PCCA: variants seen among roughly 807,000 people sequenced by gnomAD.
PCCA encodes propionyl-CoA carboxylase subunit alpha.
PCCA carries 74 observed loss-of-function variants against 101.3 expected under a neutral mutation model. The ratio of observed to expected loss-of-function variants is 0.73; its 90% confidence interval spans 0.61 to 0.89. The LOEUF (loss-of-function observed/expected upper bound fraction) is 0.89. PCCA is among the 40% of genes least tolerant of loss of function. PCCA has a pLI of 0.00. For synonymous variants in PCCA, 294 were observed against 313.6 expected, an observed-to-expected ratio of 0.94 and a Z score of 0.66; for missense variants, 891 against 907.0, an observed-to-expected ratio of 0.98 and a Z score of 0.23.
chr13:100,478,674 C>T (rs1041179945), intron 21 of PCCA, among the ~76,000 whole-genome samples: 1 of 152,138 alleles, frequency 6.6e-6, no homozygotes. Flanking sequence ...ACTGTAGCGG[C>T]CTCAGGAGCG....
At chr13:100,370,426 A>G (rs999406248) in intron 19 of PCCA, among the ~76,000 whole-genome samples, 1 of 152,062 alleles carries the variant, frequency 6.6e-6, no homozygotes, top group Non-Finnish European at 1.5e-5. Flanking sequence ...CTCTGGCCTG[A>G]CTGCATACGT....
intron 2 of PCCA, among the ~76,000 whole-genome samples, chr13:100,105,915 G>A (rs1441400795): frequency 1.3e-5 from 2 of 150,642 alleles, no homozygotes; most frequent in East Asian, 3.9e-4. Context: ...CTGTCATTGA[G>A]GAAGTTTGTG....
chr13:100,144,068 A>G (rs1394413806), intron 4 of PCCA, among the ~76,000 whole-genome samples: 1 of 151,942 alleles, frequency 6.6e-6, no homozygotes, highest in East Asian at 1.9e-4. Flanking sequence ...CCGGCCCCAG[A>G]TATTTCTGAT....
At chr13:100,249,444 G>A (rs2061632906) in intron 8 of PCCA, among the ~76,000 whole-genome samples, 2 of 152,148 alleles carry the variant, frequency 1.3e-5, no homozygotes, top group African/African-American at 2.4e-5. Context: ...TAATTTGTCT[G>A]TCTTAGACAA....
intron 6 of PCCA, among the ~76,000 whole-genome samples, chr13:100,199,634 C>T (rs773405835): frequency 3.9e-5 from 6 of 152,042 alleles, no homozygotes; most frequent in Admixed American, 2.0e-4. Flanking sequence ...GTCTTTTTAG[C>T]TCTTTTTAAG....
At chr13:100,189,825 A>T (rs2057614810) in intron 6 of PCCA, among the ~76,000 whole-genome samples, 1 of 152,316 alleles carries the variant, frequency 6.6e-6, no homozygotes, top group African/African-American at 2.4e-5. Flanking sequence ...ATTATTTTAA[A>T]TCCATAAAAT....
chr13:100,312,717 A>G (rs1296976949), intron 16 of PCCA, among the ~76,000 whole-genome samples: 1 of 152,238 alleles, frequency 6.6e-6, no homozygotes, highest in African/African-American at 2.4e-5. Context: ...ATAAATTACA[A>G]TGCATTATTA....
chr13:100,342,862 CA>C (rs1448027075), intron 18 of PCCA, among the ~76,000 whole-genome samples: 4 of 151,860 alleles, frequency 2.6e-5, no homozygotes, highest in Non-Finnish European at 5.9e-5. Context: ...GCCAGGATTA[CA>C]GGAACATACC....
At chr13:100,378,156 G>A (rs191244377) in intron 19 of PCCA, among the ~76,000 whole-genome samples, 2 of 152,260 alleles carry the variant, frequency 1.3e-5, no homozygotes, top group African/African-American at 4.8e-5. Flanking sequence ...TTGCTTGTCT[G>A]GGAAAGACTT....
intron 21 of PCCA, among the ~76,000 whole-genome samples, chr13:100,513,090 TG>T (rs1427189133): frequency 1.3e-5 from 2 of 152,232 alleles, no homozygotes; most frequent in Admixed American, 1.3e-4. Context: ...GCACCCTGCT[TG>T]GGCCCCATCC....
intron 21 of PCCA, among the ~76,000 whole-genome samples, chr13:100,461,235 G>A (rs775294020): frequency 5.3e-5 from 8 of 152,158 alleles, no homozygotes; most frequent in Admixed American, 2.0e-4. Flanking sequence ...TAATTGATTC[G>A]TTTAATTAGC....
intron 20 of PCCA, among the ~76,000 whole-genome samples, chr13:100,447,995 G>A (rs1029765496): frequency 6.6e-6 from 1 of 152,136 alleles, no homozygotes; most frequent in East Asian, 1.9e-4. Flanking sequence ...CATCTGTATC[G>A]TAATGCTCAT....
intron 16 of PCCA, 58 bp downstream of exon 16, chr13:100,309,966 C>T: frequency 1.6e-6 from 2 of 1,221,794 alleles, no homozygotes; most frequent in South Asian, 1.2e-5. Context: ...TTCCAGAGAA[C>T]AGCCTGGGGG....
At chr13:100,279,621 G>A (rs554047175) in intron 12 of PCCA, among the ~76,000 whole-genome samples, 5 of 152,148 alleles carry the variant, frequency 3.3e-5, no homozygotes, top group East Asian at 1.9e-4. Context: ...GACTACAGGC[G>A]CATACCACCA....
intron 16 of PCCA, among the ~76,000 whole-genome samples, chr13:100,319,654 G>A (rs2067785008): frequency 6.6e-6 from 1 of 152,150 alleles, no homozygotes; most frequent in African/African-American, 2.4e-5. Flanking sequence ...GTAGATGTGT[G>A]GTGTTATTTC....
intron 19 of PCCA, among the ~76,000 whole-genome samples, chr13:100,403,386 G>A (rs1301766160): frequency 6.6e-6 from 1 of 152,148 alleles, no homozygotes; most frequent in Non-Finnish European, 1.5e-5. Flanking sequence ...AGAGGTTTTA[G>A]TTGGCACATG....
At chr13:100,179,094 ATAT>A (rs2056539148) in intron 6 of PCCA, among the ~76,000 whole-genome samples, 13 of 81,562 alleles carry the variant, frequency 1.6e-4, no homozygotes, top group East Asian at 9.4e-4. Flanking sequence ...AAAAAAAAAT[ATAT>A]ATATATATAT....
In PCCA at chr13:100,145,032, AAAC is replaced by A. The variant is rs1257010170; in HGVS notation, c.301-9945_301-9943del. On this transcript the variant is annotated intron_variant, in intron 4 of 23. Transcript: ENST00000376285. ...GTCCATGAGGGAGCAGATGATTCGT[AAAC>A]AGGTAGAGCCATATCTTGGAATTCT... is the stretch of plus-strand genomic sequence containing the variant. Among the ~76,000 whole-genome samples, 5 of 152,324 alleles carry A rather than the reference AAAC, an allele frequency of 3.3e-5. No individual in the cohort carries two copies. The East Asian group carries it at 9.7e-4, about 29-fold the overall frequency.
chr13:100,159,349 A>G lies in PCCA; in HGVS notation c.468+2009A>G, dbSNP rs1189047349. ...CGTGATCCGCCCACCTCAGCTTCCCAAAGTGCTGGGATTACAGGCGTGAGC... is the reference window on the plus strand; with the variant it reads ...CGTGATCCGCCCACCTCAGCTTCCCGAAGTGCTGGGATTACAGGCGTGAGC... On this transcript the variant is annotated intron_variant, in intron 6 of 23. Transcript: ENST00000376285. Among the ~76,000 whole-genome samples the G allele has an allele frequency of 2.0e-5, 3 of 152,106 alleles. No homozygotes were observed. The East Asian group carries it at 5.8e-4, about 29-fold the overall frequency.
Sources: allele counts gnomAD v4.1 joint callset (sites outside exome capture counted in the v4.1 genomes callset), GRCh38; gene constraint gnomAD v4.1.1; transcripts MANE v1.5; gene names NCBI Gene and HGNC (gene_info 2026-07-23, HGNC 2026-07-21).